The following RGS6 variants were observed in gnomAD, a reference collection of about 807,000 sequenced individuals.
RGS6 encodes regulator of G protein signaling 6.
In RGS6, 30 loss-of-function variants were observed where a neutral mutation model predicts 78.5. The ratio of observed to expected loss-of-function variants is 0.38; its 90% CI spans 0.29 to 0.52. The LOEUF (loss-of-function observed/expected upper bound fraction) is 0.52. Ranked by LOEUF, RGS6 falls within the 20% of genes least tolerant of loss-of-function variation. The pLI is 0.85. For synonymous variants in RGS6, 206 were observed against 206.0 expected (o/e 1.00, Z 0.00); for missense variants, 495 against 609.7 (o/e 0.81, Z 1.98).
intron 17 of RGS6, among the ~76,000 whole-genome samples, chr14:72,548,850 T>G (rs1265748090): frequency 2.0e-5 from 3 of 152,146 alleles, no homozygotes; most frequent in Admixed American, 6.5e-5. Flanking sequence ...ATTCTAACAA[T>G]AACAGAATAT....
In RGS6 at chr14:72,015,858, C is replaced by T. The variant is rs945387431; in HGVS notation, c.84+50983C>T. ...CTGTACTCAGTGGCCGTCTGAGTTTCGTCTTTTGTGAATTGCCCATTTATA... is the reference window on the plus strand; with the variant it reads ...CTGTACTCAGTGGCCGTCTGAGTTTTGTCTTTTGTGAATTGCCCATTTATA... On this transcript the variant is annotated intron_variant, in intron 2 of 17. Transcript: ENST00000553525. 3.3e-5 allele frequency among the ~76,000 whole-genome samples: 5 copies of T among 152,114 alleles called. No homozygotes were observed. The South Asian group carries it at 8.3e-4, about 25-fold the overall frequency.
At chr14:71,936,030 A>ATATATATACATATATATATG (rs781759305) in intron 1 of RGS6, among the ~76,000 whole-genome samples, 1 of 133,222 alleles carries the variant, frequency 7.5e-6, no homozygotes, top group Non-Finnish European at 1.6e-5. Flanking sequence ...ATATATATAT[A>ATATATATACATATATATATG]TATATATATA....
intron 3 of RGS6, among the ~76,000 whole-genome samples, chr14:72,420,238 T>A (rs754516806): frequency 5.3e-5 from 8 of 152,178 alleles, no homozygotes; most frequent in Non-Finnish European, 8.8e-5. Flanking sequence ...GGTGTTACGT[T>A]TTTATAACCT....
intron 2 of RGS6, among the ~76,000 whole-genome samples, chr14:72,138,449 GTTTTTTTTTT>G (rs71448384): frequency 8.1e-5 from 7 of 86,648 alleles, no homozygotes; most frequent in African/African-American, 2.7e-4. Context: ...ACCTGTACCT[GTTTTTTTTTT>G]TTTTTTTTTT....
intron 2 of RGS6, among the ~76,000 whole-genome samples, chr14:72,280,411 A>C (rs1056783129): frequency 2.6e-5 from 4 of 152,234 alleles, no homozygotes; most frequent in African/African-American, 4.8e-5. Flanking sequence ...CCTCCAAGTC[A>C]TGGTACAGAA....
At chr14:72,345,253 A>C (rs1200145887) in intron 2 of RGS6, among the ~76,000 whole-genome samples, 1 of 152,204 alleles carries the variant, frequency 6.6e-6, no homozygotes, top group Non-Finnish European at 1.5e-5. Flanking sequence ...GTGTTCATAG[A>C]ATAGAGCCTC....
chr14:72,275,941 T>C (rs2060599210), intron 2 of RGS6, among the ~76,000 whole-genome samples: 1 of 152,134 alleles, frequency 6.6e-6, no homozygotes, highest in African/African-American at 2.4e-5. Flanking sequence ...GGAAAACTTC[T>C]CTCCAACGTC....
chr14:72,206,651 AAG>A (rs1332643366), intron 2 of RGS6, among the ~76,000 whole-genome samples: 1 of 152,148 alleles, frequency 6.6e-6, no homozygotes, highest in East Asian at 1.9e-4. Flanking sequence ...CAGGCAGAAA[AAG>A]AGAGTTTGTC....
chr14:72,540,490 G>T, intron 17 of RGS6: 13 of 1,421,406 alleles, frequency 9.1e-6, no homozygotes, highest in Admixed American at 2.2e-5. Context: ...ATAGCTCATC[G>T]AAAAAAAAAA....
At chr14:71,918,697 C>T in the RGS6 span, among the ~76,000 whole-genome samples, 1 of 152,266 alleles carries the variant, frequency 6.6e-6, no homozygotes, top group South Asian at 2.1e-4. Flanking sequence ...AAATCTTGAT[C>T]TTTTTCCATT....
At chr14:72,410,462 A>C (rs2093325631) in intron 3 of RGS6, among the ~76,000 whole-genome samples, 1 of 151,990 alleles carries the variant, frequency 6.6e-6, no homozygotes, top group Admixed American at 6.6e-5. Flanking sequence ...TAGATTCTGG[A>C]TATTAGCCCT....
intron 2 of RGS6, among the ~76,000 whole-genome samples, chr14:72,341,516 C>G (rs1016448955): frequency 6.6e-6 from 1 of 152,130 alleles, no homozygotes; most frequent in African/African-American, 2.4e-5. Context: ...TGAGCAGGGC[C>G]TAGAAGCATG....
rs141062157 is a variant in RGS6 at position 72,130,880 on chromosome 14, TGGG to T, written c.84+166009_84+166011del. 1.9e-3 allele frequency among the ~76,000 whole-genome samples: 291 copies of T among 152,302 alleles called. 1 individual carries two copies. The highest frequency in any genetic ancestry group is 6.7e-3 in the African/African-American group (278 of 41,576). ...AAGTTTGTTGCATTGGTATGTGTGT[TGGG>T]GGGATAGGAGGGTGATGGGAGAGCC... On this transcript the variant is annotated intron_variant, in intron 2 of 17. Transcript: ENST00000553525.
intron 2 of RGS6, among the ~76,000 whole-genome samples, chr14:72,282,670 A>C (rs766589010): frequency 6.6e-6 from 1 of 152,244 alleles, no homozygotes; most frequent in Non-Finnish European, 1.5e-5. Context: ...GAGTTTGGAC[A>C]TATGCAATTA....
intron 12 of RGS6, among the ~76,000 whole-genome samples, chr14:72,494,321 A>G (rs1485017175): frequency 6.6e-6 from 1 of 152,198 alleles, no homozygotes; most frequent in African/African-American, 2.4e-5. Context: ...TCACGTAAGA[A>G]AAGGAGGGAG....
Position 72,229,484 on chromosome 14 carries a change from C to T in RGS6, c.85-122611C>T, listed in dbSNP as rs76092289. On this transcript the variant is annotated intron_variant, in intron 2 of 17. Coordinates refer to ENST00000553525, the MANE Select transcript of RGS6 (RefSeq NM_001204424.2). Reference sequence around the variant, plus strand: ...TCCCTACATGTACCCTCCATGTCCTCTTGTAGGGACCCCAGCTTCAGCAGT... The same window carrying T: ...TCCCTACATGTACCCTCCATGTCCTTTTGTAGGGACCCCAGCTTCAGCAGT... Among the ~76,000 whole-genome samples, 943 of 152,238 alleles carry T rather than the reference C, an allele frequency of 6.2e-3. 8 individuals are homozygous for T. The highest frequency in any genetic ancestry group is 0.021 in the African/African-American group (890 of 41,556).
intron 2 of RGS6, among the ~76,000 whole-genome samples, chr14:72,201,713 C>A (rs1185117551): frequency 6.6e-6 from 1 of 152,166 alleles, no homozygotes; most frequent in African/African-American, 2.4e-5. Context: ...TAGAGGATGG[C>A]AAACTCCAGC....
chr14:72,100,310 G>C (rs913166351), intron 2 of RGS6, among the ~76,000 whole-genome samples: 5 of 152,122 alleles, frequency 3.3e-5, no homozygotes, highest in African/African-American at 1.2e-4. Context: ...TTCAAGACCA[G>C]CCTGGCCAAC....
chr14:72,547,515 A>C lies in RGS6; in HGVS notation c.1422+7421A>C, dbSNP rs115635559. 9.6e-6 allele frequency: 6 copies of C among 623,114 alleles called. No homozygotes were observed. The East Asian group carries it at 1.4e-4, about 15-fold the overall frequency. 38.6% of individuals were successfully genotyped at this position (623,114 alleles called of 1,614,324 possible). ...CATGACATTTTGGAAGGAGGCCAGG[A>C]TACCTGTCCATAGGTAGGAATAGCC... On this transcript the variant is annotated intron_variant, in intron 17 of 17. Transcript: ENST00000553525.
Sources: allele counts gnomAD v4.1 joint callset (sites outside exome capture counted in the v4.1 genomes callset), GRCh38; gene constraint gnomAD v4.1.1; transcripts MANE v1.5; gene names NCBI Gene and HGNC (gene_info 2026-07-23, HGNC 2026-07-21).